AGBL4: variants seen among roughly 807,000 people sequenced by gnomAD.
The protein encoded by AGBL4 is AGBL carboxypeptidase 4.
In AGBL4, 58 loss-of-function variants were observed where a neutral mutation model predicts 66.4. That is an observed-to-expected ratio of 0.87 (90% CI 0.71 to 1.09). AGBL4 has a LOEUF of 1.09. Ranked by LOEUF, AGBL4 falls within the 50% of genes least tolerant of loss-of-function variation. AGBL4 has a pLI of 0.00. For synonymous variants in AGBL4, 234 were observed against 222.9 expected, an observed-to-expected ratio of 1.05 and a Z score of -0.44; for missense variants, 579 against 631.0, an observed-to-expected ratio of 0.92 and a Z score of 0.88.
intron 3 of AGBL4, among the ~76,000 whole-genome samples, chr1:49,637,857 GGTTAACACCAGTAATACATAAT>G (rs1310908078): frequency 6.6e-6 from 1 of 151,928 alleles, no homozygotes; most frequent in East Asian, 1.9e-4. Context: ...AAAGAAAAAT[GGTTAACACCAGTAATACATAAT>G]GATATAAATG....
chr1:49,982,233 G>A (rs1276250038), intron 1 of AGBL4, among the ~76,000 whole-genome samples: 1 of 152,224 alleles, frequency 6.6e-6, no homozygotes, highest in African/African-American at 2.4e-5. Context: ...CATGGTGCCA[G>A]GTGCAGTGGG....
intron 5 of AGBL4, among the ~76,000 whole-genome samples, chr1:48,982,055 C>T (rs1424662586): frequency 6.6e-6 from 1 of 152,108 alleles, no homozygotes; most frequent in African/African-American, 2.4e-5. Context: ...AACCTTCTGA[C>T]AGAAGAGGTG....
At chr1:49,773,785 G>T (rs1489868965) in intron 2 of AGBL4, among the ~76,000 whole-genome samples, 2 of 152,178 alleles carry the variant, frequency 1.3e-5, no homozygotes, top group African/African-American at 2.4e-5. Flanking sequence ...GCTACTTCTG[G>T]TCCAGTTCTC....
intron 6 of AGBL4, among the ~76,000 whole-genome samples, chr1:48,712,383 T>C (rs527767958): frequency 6.6e-6 from 1 of 152,278 alleles, no homozygotes; most frequent in Admixed American, 6.5e-5. Context: ...GCTGCTTTTT[T>C]CCCCACGGGT....
At chr1:49,890,685 G>A (rs188222955) in intron 1 of AGBL4, among the ~76,000 whole-genome samples, 1 of 152,138 alleles carries the variant, frequency 6.6e-6, no homozygotes, top group Admixed American at 6.5e-5. Context: ...TATAACTGTA[G>A]GAAAAAGAGA....
At chr1:50,012,091 G>A (rs1017126883) in intron 1 of AGBL4, among the ~76,000 whole-genome samples, 6 of 151,780 alleles carry the variant, frequency 4.0e-5, no homozygotes, top group South Asian at 2.1e-4. Flanking sequence ...CCTGGGAAGC[G>A]GAGCTTGCAG....
chr1:49,692,099 C>G (rs1426735066), intron 3 of AGBL4, among the ~76,000 whole-genome samples: 1 of 152,134 alleles, frequency 6.6e-6, no homozygotes, highest in Admixed American at 6.5e-5. Flanking sequence ...ACATGGGAAT[C>G]AAGATGAGCT....
chr1:48,549,047 T>G (rs1381277641), intron 11 of AGBL4, among the ~76,000 whole-genome samples: 1 of 152,196 alleles, frequency 6.6e-6, no homozygotes, highest in African/African-American at 2.4e-5. Flanking sequence ...AAAATTGAAT[T>G]CCTACCTGCT....
rs202111878 is a variant in AGBL4 at position 49,518,341 on chromosome 1, T to G, written c.282+178972A>C. Among the ~76,000 whole-genome samples the G allele has an allele frequency of 2.1e-4, 32 of 152,206 alleles. No homozygotes were observed. In the East Asian group the frequency reaches 5.2e-3, roughly 25 times the overall value. On this transcript the variant is annotated intron_variant, in intron 3 of 13. Coordinates refer to ENST00000371839, the MANE Select transcript of AGBL4 (RefSeq NM_032785.4). ...GGTTTCTCCTCAAGACCTGTGACTCTATGACACCAAACCCTTCTCCATTCA... is the reference window on the plus strand; with the variant it reads ...GGTTTCTCCTCAAGACCTGTGACTCGATGACACCAAACCCTTCTCCATTCA...
intron 5 of AGBL4, among the ~76,000 whole-genome samples, chr1:49,023,288 G>A (rs1410785759): frequency 6.6e-6 from 1 of 152,166 alleles, no homozygotes; most frequent in Non-Finnish European, 1.5e-5. Context: ...CAAGGTTCAG[G>A]TCTGGGCCAG....
intron 3 of AGBL4, among the ~76,000 whole-genome samples, chr1:49,354,768 T>A (rs1020884401): frequency 6.6e-6 from 1 of 152,184 alleles, no homozygotes; most frequent in Non-Finnish European, 1.5e-5. Context: ...AGCTTCTAAA[T>A]AACGACTCAA....
intron 3 of AGBL4, among the ~76,000 whole-genome samples, chr1:49,571,717 T>C (rs1644335460): frequency 1.3e-5 from 2 of 152,132 alleles, no homozygotes; most frequent in African/African-American, 2.4e-5. Context: ...TTTTAGTATA[T>C]GGCCTTTATT....
At chr1:49,831,086 T>C (rs1267627496) in intron 2 of AGBL4, among the ~76,000 whole-genome samples, 1 of 152,208 alleles carries the variant, frequency 6.6e-6, no homozygotes, top group Non-Finnish European at 1.5e-5. Context: ...GTCTTGGCTA[T>C]GCAGACTTTT....
In AGBL4 at chr1:48,860,980, T is replaced by C. The variant is rs183931145; in HGVS notation, c.634+6211A>G. On this transcript the variant is annotated intron_variant, in intron 6 of 13. Coordinates refer to ENST00000371839, the MANE Select transcript of AGBL4 (RefSeq NM_032785.4). ...GAACAAAGATTTTAAAATAAGCATA[T>C]TGAGGATGTTCAAAGAAACAAATGA... Among the ~76,000 whole-genome samples, 473 of 152,236 alleles carry C rather than the reference T, an allele frequency of 3.1e-3. 3 individuals are homozygous for C. The highest frequency in any genetic ancestry group is 0.01 in the African/African-American group (421 of 41,550).
At chr1:48,666,151 C>T (rs552832342) in intron 6 of AGBL4, among the ~76,000 whole-genome samples, 14 of 152,220 alleles carry the variant, frequency 9.2e-5, no homozygotes, top group South Asian at 2.1e-4. Context: ...ATGGATGGGT[C>T]GCCTTTGCTT....
At chr1:49,925,834 T>C (rs572247186) in intron 1 of AGBL4, among the ~76,000 whole-genome samples, 156 of 152,142 alleles carry the variant, frequency 1.0e-3, no homozygotes, top group Non-Finnish European at 1.7e-3. Context: ...TTGTCTTGTG[T>C]CTTGGATGCC....
intron 3 of AGBL4, among the ~76,000 whole-genome samples, chr1:49,623,385 G>A (rs1356306579): frequency 3.3e-5 from 5 of 152,156 alleles, no homozygotes; most frequent in African/African-American, 1.2e-4. Flanking sequence ...ATCAGCTTCA[G>A]AAAGCAGTAT....
At chr1:48,572,599 A>C (rs941924455) in intron 11 of AGBL4, among the ~76,000 whole-genome samples, 2 of 151,956 alleles carry the variant, frequency 1.3e-5, no homozygotes, top group African/African-American at 4.8e-5. Context: ...AAAGACAAAA[A>C]TGAAAACAAA....
intron 7 of AGBL4, among the ~76,000 whole-genome samples, chr1:48,658,515 C>T (rs1464974231): frequency 6.6e-6 from 1 of 152,188 alleles, no homozygotes; most frequent in East Asian, 1.9e-4. Context: ...ATTATGGACT[C>T]ACAAGGAGTC....
Sources: allele counts gnomAD v4.1 joint callset (sites outside exome capture counted in the v4.1 genomes callset), GRCh38; gene constraint gnomAD v4.1.1; transcripts MANE v1.5; gene names NCBI Gene and HGNC (gene_info 2026-07-23, HGNC 2026-07-21).